PIK3C2G: variants seen among roughly 807,000 people sequenced by gnomAD.
PIK3C2G encodes phosphatidylinositol 3-kinase C2 domain-containing subunit gamma.
In PIK3C2G, 168 loss-of-function variants were observed where a neutral mutation model predicts 181.1. That is an observed-to-expected ratio of 0.93 (90% CI 0.82 to 1.05). PIK3C2G has a LOEUF of 1.05. PIK3C2G is among the 50% of genes least tolerant of loss of function. The probability of loss-of-function intolerance (pLI) is 0.00; values close to 1 mark genes in which losing one functional copy is unlikely to be tolerated. For synonymous variants in PIK3C2G, 573 were observed against 592.2 expected (o/e 0.97, Z 0.47); for missense variants, 1,869 against 1,732.8 (o/e 1.08, Z -1.40).
intron 23 of PIK3C2G, among the ~76,000 whole-genome samples, chr12:18,504,667 T>A (rs1250860927): frequency 6.6e-6 from 1 of 152,222 alleles, no homozygotes; most frequent in African/African-American, 2.4e-5. Context: ...AAGTGTATTT[T>A]TGGAAAGAAA....
intron 18 of PIK3C2G, among the ~76,000 whole-genome samples, chr12:18,426,320 AT>A (rs532189795): frequency 5.6e-4 from 85 of 151,494 alleles, no homozygotes; most frequent in Middle Eastern, 3.5e-3. Context: ...TGAAACATTG[AT>A]TTTTTTTTGT....
intron 30 of PIK3C2G, among the ~76,000 whole-genome samples, chr12:18,599,703 T>C (rs753372217): frequency 6.3e-4 from 94 of 148,294 alleles, no homozygotes; most frequent in African/African-American, 2.2e-3. Context: ...AAAATAAAAA[T>C]AAAGAAAACA....
the PIK3C2G span, chr12:18,693,267 A>C: frequency 6.6e-7 from 1 of 1,514,858 alleles, no homozygotes; most frequent in South Asian, 1.1e-5. Context: ...AGGGGTGCTG[A>C]TGGATGACAT....
At chr12:18,556,820 T>A (rs189436094) in intron 26 of PIK3C2G, among the ~76,000 whole-genome samples, 4 of 152,234 alleles carry the variant, frequency 2.6e-5, no homozygotes, top group Non-Finnish European at 4.4e-5. Context: ...CTGGGATGAA[T>A]AATGGGATCA....
chr12:18,368,203 G>A (rs2137847928), intron 12 of PIK3C2G, among the ~76,000 whole-genome samples: 1 of 152,172 alleles, frequency 6.6e-6, no homozygotes, highest in Admixed American at 6.5e-5. Flanking sequence ...TGTCTACAAG[G>A]AATGTGTTTT....
chr12:18,434,404 C>G (rs1946333555), intron 18 of PIK3C2G, among the ~76,000 whole-genome samples: 1 of 152,144 alleles, frequency 6.6e-6, no homozygotes, highest in South Asian at 2.1e-4. Context: ...TTCCCTGAAC[C>G]TGGACCCAAA....
intron 14 of PIK3C2G, among the ~76,000 whole-genome samples, chr12:18,389,725 G>A (rs1440099393): frequency 6.6e-6 from 1 of 152,004 alleles, no homozygotes; most frequent in Non-Finnish European, 1.5e-5. Context: ...TAGCTATTTA[G>A]CCTCATAATT....
chr12:18,547,303 A>G (rs377534278), intron 26 of PIK3C2G, among the ~76,000 whole-genome samples: 59 of 152,018 alleles, frequency 3.9e-4, no homozygotes, highest in African/African-American at 1.3e-3. Context: ...TCCCACTCCA[A>G]TGGTGGCAGT....
At chr12:18,673,886 A>T in the PIK3C2G span, among the ~76,000 whole-genome samples, 20 of 152,292 alleles carry the variant, frequency 1.3e-4, no homozygotes, top group African/African-American at 4.3e-4. Context: ...CCTCTTTCAC[A>T]TGGCAGCTTG....
At chr12:18,480,676 T>C (rs1181363877) in intron 18 of PIK3C2G, among the ~76,000 whole-genome samples, 3 of 152,162 alleles carry the variant, frequency 2.0e-5, no homozygotes, top group Admixed American at 6.5e-5. Context: ...CTCCTTTCCA[T>C]GGCAGCAACC....
the PIK3C2G span, chr12:18,699,733 C>T: frequency 6.8e-7 from 1 of 1,469,324 alleles, no homozygotes; most frequent in Middle Eastern, 1.8e-4. Flanking sequence ...GCAATCTTAA[C>T]ACCCTAGCAG....
At chr12:18,503,519 T>TTCAATCTAATTCAATCA in intron 23 of PIK3C2G, 102 bp downstream of exon 23, 3 of 758,060 alleles carry the variant, frequency 4.0e-6, no homozygotes, top group Non-Finnish European at 3.9e-6. Context: ...AAGTGCACTT[T>TTCAATCTAATTCAATCA]GAGTTCTAAT....
At chr12:18,555,400 GAC>G (rs1311541072) in intron 26 of PIK3C2G, among the ~76,000 whole-genome samples, 2 of 152,098 alleles carry the variant, frequency 1.3e-5, no homozygotes, top group African/African-American at 4.8e-5. Flanking sequence ...TGCTGAACCT[GAC>G]ACAGAAGATC....
chr12:18,407,103 T>C (rs1392918864), intron 16 of PIK3C2G, among the ~76,000 whole-genome samples: 4 of 152,100 alleles, frequency 2.6e-5, no homozygotes, highest in Admixed American at 6.6e-5. Flanking sequence ...GTAAGGTACA[T>C]ATGAGAGCAT....
chr12:18,701,634 TCCTCCTCC>T, the PIK3C2G span: 3 of 1,591,608 alleles, frequency 1.9e-6, no homozygotes, highest in Non-Finnish European at 8.6e-7. Context: ...CTCCTCCTCC[TCCTCCTCC>T]TCCTCCTCCT....
At chr12:18,637,770 T>G (rs144036586) in intron 31 of PIK3C2G, among the ~76,000 whole-genome samples, 1 of 152,332 alleles carries the variant, frequency 6.6e-6, no homozygotes, top group African/African-American at 2.4e-5. Flanking sequence ...AATTGTGTCT[T>G]TTGATTACTC....
At chr12:18,412,405 G>T (rs1017837378) in intron 16 of PIK3C2G, among the ~76,000 whole-genome samples, 2 of 152,000 alleles carry the variant, frequency 1.3e-5, no homozygotes, top group African/African-American at 4.8e-5. Flanking sequence ...ACACTCATTT[G>T]CTCATGACTG....
intron 30 of PIK3C2G, among the ~76,000 whole-genome samples, chr12:18,607,784 T>A (rs2060651456): frequency 6.6e-6 from 1 of 151,930 alleles, no homozygotes; most frequent in Non-Finnish European, 1.5e-5. Context: ...GGGAGAAAAT[T>A]TTTGCAATCT....
At chr12:18,624,236 C>T (rs1443474850) in intron 31 of PIK3C2G, among the ~76,000 whole-genome samples, 1 of 151,534 alleles carries the variant, frequency 6.6e-6, no homozygotes, top group Non-Finnish European at 1.5e-5. Flanking sequence ...AAGTTTTTAT[C>T]ATAAAAGAAT....
Sources: gnomAD v4.1 joint callset for allele counts (sites outside exome capture counted in the v4.1 genomes callset) on GRCh38, gnomAD v4.1.1 for gene constraint, MANE v1.5 for transcripts, NCBI Gene and HGNC (gene_info 2026-07-23, HGNC 2026-07-21) for gene names.